Variants in LIMS1 observed in about 807,000 individuals in gnomAD.
LIMS1 encodes LIM and senescent cell antigen-like-containing domain protein 1.
In LIMS1, 18 loss-of-function variants were observed where a neutral mutation model predicts 44.1. That is an observed-to-expected ratio of 0.41 (90% CI 0.28 to 0.61). The LOEUF (loss-of-function observed/expected upper bound fraction) is 0.61, where lower values mean the gene tolerates loss of function less well. Among genes scored for constraint, LIMS1 ranks in the 20% least tolerant of loss-of-function variants. The pLI is 0.32. For synonymous variants in LIMS1, 93 were observed against 149.1 expected, an observed-to-expected ratio of 0.62 and a Z score of 2.74; for missense variants, 201 against 422.0, an observed-to-expected ratio of 0.48 and a Z score of 4.59.
chr2:108,535,066 A>G (rs575101542), intron 1 of LIMS1, among the ~76,000 whole-genome samples: 1 of 152,312 alleles, frequency 6.6e-6, no homozygotes, highest in East Asian at 1.9e-4. Context: ...TACATACCAC[A>G]TTTTTATGCA....
chr2:108,550,192 GT>G (rs1054452089), intron 1 of LIMS1, among the ~76,000 whole-genome samples: 7 of 151,992 alleles, frequency 4.6e-5, no homozygotes, highest in African/African-American at 1.7e-4. Flanking sequence ...AATACAAAGT[GT>G]TTTTTTAAAA....
chr2:108,596,716 A>G (rs1450953406), intron 1 of LIMS1, among the ~76,000 whole-genome samples: 1 of 152,322 alleles, frequency 6.6e-6, no homozygotes, highest in East Asian at 1.9e-4. Flanking sequence ...CCAGCTACTC[A>G]GGAGGCTGAA....
intron 1 of LIMS1, among the ~76,000 whole-genome samples, chr2:108,604,492 C>T (rs1687166553): frequency 6.6e-6 from 1 of 152,174 alleles, no homozygotes; most frequent in Non-Finnish European, 1.5e-5. Flanking sequence ...GAAAACTTAA[C>T]ATTTTCAAAT....
chr2:108,638,583 C>A (rs1413604839), intron 1 of LIMS1, among the ~76,000 whole-genome samples: 1 of 151,382 alleles, frequency 6.6e-6, no homozygotes, highest in Non-Finnish European at 1.5e-5. Context: ...GTCTCTACCA[C>A]TAAAAATACA....
At position 108,569,764 on chromosome 2, in the gene LIMS1, CTT is replaced by C. The variant is rs10596766; in HGVS notation, c.32+35188_32+35189del. 2.8e-3 allele frequency among the ~76,000 whole-genome samples: 319 copies of C among 113,120 alleles called. 22 individuals are homozygous for C. The highest frequency in any genetic ancestry group is 4.5e-3 in the Non-Finnish European group (258 of 57,820). The allele number at this position is 113,120 out of a possible 152,430, so 74.2% of individuals were successfully genotyped here. A position where few individuals can be genotyped will look rare whatever the true frequency, so the allele number is the denominator to read the frequency against. ...TACAAACACTCACCGCCATATCTGG[CTT>C]TTTTTTTTTTTTTTTTTAGTGATGA... On this transcript the variant is annotated intron_variant, in intron 1 of 9. Transcript: ENST00000544547.
At chr2:108,635,723 A>G (rs1689202230) in intron 1 of LIMS1, among the ~76,000 whole-genome samples, 1 of 152,164 alleles carries the variant, frequency 6.6e-6, no homozygotes. Flanking sequence ...AGGTAGACAG[A>G]CTTGGACTCC....
At chr2:108,568,463 C>T (rs1200783690) in intron 1 of LIMS1, among the ~76,000 whole-genome samples, 3 of 152,194 alleles carry the variant, frequency 2.0e-5, no homozygotes, top group Non-Finnish European at 4.4e-5. Flanking sequence ...CACATTTTGG[C>T]TATTGTGAAT....
intron 9 of LIMS1, chr2:108,681,198 CT>C (rs1389747929): frequency 8.0e-7 from 1 of 1,254,436 alleles, no homozygotes; most frequent in Admixed American, 3.8e-5. Context: ...CTGTTTCTGT[CT>C]TTTGCTTTCT....
intron 1 of LIMS1, among the ~76,000 whole-genome samples, chr2:108,612,386 T>C (rs1164847057): frequency 6.6e-6 from 1 of 152,096 alleles, no homozygotes; most frequent in Non-Finnish European, 1.5e-5. Flanking sequence ...TTGCTGTTTG[T>C]ATTGCTTCCA....
At chr2:108,658,780 C>A (rs1351764915) in intron 1 of LIMS1, among the ~76,000 whole-genome samples, 2 of 152,308 alleles carry the variant, frequency 1.3e-5, no homozygotes, top group African/African-American at 4.8e-5. Flanking sequence ...GTGTCACTTT[C>A]CTAACCTATG....
At chr2:108,647,431 T>C (rs536914818) in intron 1 of LIMS1, among the ~76,000 whole-genome samples, 3 of 151,762 alleles carry the variant, frequency 2.0e-5, no homozygotes, top group East Asian at 1.9e-4. Flanking sequence ...TTCCAAACAA[T>C]AGAAAAAAGG....
At chr2:108,601,499 A>G (rs1387538227) in intron 1 of LIMS1, among the ~76,000 whole-genome samples, 2 of 152,154 alleles carry the variant, frequency 1.3e-5, no homozygotes, top group East Asian at 1.9e-4. Context: ...GCGATTGTCT[A>G]TTGTTTTTTA....
chr2:108,614,050 C>T (rs1687802324), intron 1 of LIMS1, among the ~76,000 whole-genome samples: 1 of 152,196 alleles, frequency 6.6e-6, no homozygotes, highest in Non-Finnish European at 1.5e-5. Flanking sequence ...CTAGGTTAGA[C>T]GCTCACTAAA....
chr2:108,540,193 C>CTTTTTTT (rs34386092), intron 1 of LIMS1, among the ~76,000 whole-genome samples: 26 of 93,346 alleles, frequency 2.8e-4, no homozygotes, highest in East Asian at 8.3e-4. Flanking sequence ...GTACAGATTC[C>CTTTTTTT]TTTTTTTTTT....
chr2:108,681,104 A>G (rs1692962467), intron 9 of LIMS1: 95 of 1,277,094 alleles, frequency 7.4e-5, no homozygotes, highest in Non-Finnish European at 9.4e-5. Context: ...AGAAAAAGCC[A>G]GTCTGTTTGT....
chr2:108,589,094 T>C (rs977185022), intron 1 of LIMS1, among the ~76,000 whole-genome samples: 2 of 152,142 alleles, frequency 1.3e-5, no homozygotes, highest in African/African-American at 4.8e-5. Flanking sequence ...GCAATATGTT[T>C]AGTGAACTTT....
exon 3 of LIMS1, chr2:108,670,795 G>C: frequency 1.2e-6 from 2 of 1,611,858 alleles, no homozygotes; most frequent in Non-Finnish European, 1.7e-6. Context: ...AAGGAAGAAA[G>C]TACTGTGAAC....
At chr2:108,548,678 C>T (rs536925978) in intron 1 of LIMS1, among the ~76,000 whole-genome samples, 1 of 152,310 alleles carries the variant, frequency 6.6e-6, no homozygotes, top group African/African-American at 2.4e-5. Flanking sequence ...CCCACCAGCC[C>T]CCCTGGCAAA....
chr2:108,623,145 G>GA lies in LIMS1; in HGVS notation c.33-36456dup, dbSNP rs1228758335. On this transcript the variant is annotated intron_variant, in intron 1 of 9. Transcript: ENST00000544547. ...TGCCACTTTTGTCTCCTAATGTAGAGAAAATGATCATTTTCCTTATTCAGA... is the reference window on the plus strand; with the variant it reads ...TGCCACTTTTGTCTCCTAATGTAGAGAAAAATGATCATTTTCCTTATTCAGA... 5.3e-5 allele frequency among the ~76,000 whole-genome samples: 8 copies of GA among 152,032 alleles called. No homozygotes were observed. The East Asian group carries it at 1.4e-3, about 26-fold the overall frequency.
Sources: gnomAD v4.1 joint callset for allele counts (sites outside exome capture counted in the v4.1 genomes callset) on GRCh38, gnomAD v4.1.1 for gene constraint, MANE v1.5 for transcripts, NCBI Gene and HGNC (gene_info 2026-07-23, HGNC 2026-07-21) for gene names.